COBL: variants seen among roughly 807,000 people sequenced by gnomAD.
The protein encoded by COBL is cordon-bleu WH2 repeat protein, also known as protein cordon-bleu.
A neutral mutation model predicts 98.8 loss-of-function variants in COBL; 51 were observed. The ratio of observed to expected loss-of-function variants is 0.52; its 90% CI spans 0.41 to 0.65. The LOEUF is 0.65. Among genes scored for constraint, COBL ranks in the 30% least tolerant of loss-of-function variants. The pLI is 0.00. For synonymous variants in COBL, 634 were observed against 651.7 expected, an observed-to-expected ratio of 0.97 and a Z score of 0.41; for missense variants, 1,617 against 1,617.5, an observed-to-expected ratio of 1.00 and a Z score of 0.01.
intron 2 of COBL, among the ~76,000 whole-genome samples, chr7:51,211,375 G>A (rs919821032): frequency 3.9e-5 from 6 of 152,192 alleles, no homozygotes; most frequent in African/African-American, 9.6e-5. Flanking sequence ...CATCCTCTGT[G>A]CCTCAGCTTT....
At position 51,131,326 on chromosome 7, in the gene COBL, G is replaced by A. The variant is rs1450586078; in HGVS notation, c.957+4832C>T. On this transcript the variant is annotated intron_variant, in intron 6 of 12. Transcript: ENST00000265136. Reference sequence around the variant, plus strand: ...AAAAGTAAGCATATAACTGTATATTGACTGAATAAATGAATAACTATGTAT... The same window carrying A: ...AAAAGTAAGCATATAACTGTATATTAACTGAATAAATGAATAACTATGTAT... 7.2e-5 allele frequency among the ~76,000 whole-genome samples: 11 copies of A among 152,280 alleles called. No homozygotes were observed. In the East Asian group the frequency reaches 1.2e-3, roughly 16 times the overall value.
chr7:51,069,124 C>T (rs1156236296), intron 7 of COBL, among the ~76,000 whole-genome samples: 1 of 152,222 alleles, frequency 6.6e-6, no homozygotes, highest in Non-Finnish European at 1.5e-5. Context: ...CTGCACAGCT[C>T]TGCCAATACA....
chr7:51,234,971 T>G, intron 1 of COBL, among the ~76,000 whole-genome samples: 1 of 151,838 alleles, frequency 6.6e-6, no homozygotes, highest in East Asian at 2.0e-4. Flanking sequence ...AAGAGAAGAC[T>G]TTATCTCTGA....
At position 51,080,670 on chromosome 7, in the gene COBL, A is replaced by G. The variant is rs1793563011; in HGVS notation, c.1096+4496T>C. ...ACACAGCGTTTGTTATGTGAGGAAC[A>G]TAGTTTTAAAACTGAACTCAAGAGG... is the stretch of plus-strand genomic sequence containing the variant. On this transcript the variant is annotated intron_variant, in intron 7 of 12. Coordinates refer to ENST00000265136, the MANE Select transcript of COBL (RefSeq NM_015198.5). Among the ~76,000 whole-genome samples, 4 of 152,206 alleles carry G rather than the reference A, an allele frequency of 2.6e-5. No individual in the cohort carries two copies. In the South Asian group the frequency reaches 8.3e-4, roughly 32 times the overall value.
chr7:51,189,094 C>A (rs965455598), intron 4 of COBL, among the ~76,000 whole-genome samples: 5 of 152,218 alleles, frequency 3.3e-5, no homozygotes, highest in African/African-American at 1.2e-4. Flanking sequence ...GAGACTATTT[C>A]TGTCTGTGTT....
chr7:51,288,766 T>C (rs148004083), intron 1 of COBL, among the ~76,000 whole-genome samples: 1,628 of 147,486 alleles, frequency 0.011, 30 homozygotes, highest in African/African-American at 0.039. Context: ...AAAAATAAAA[T>C]AAATAAATAA....
intron 5 of COBL, chr7:51,172,558 T>C (rs1787979693): frequency 7.9e-7 from 1 of 1,272,848 alleles, no homozygotes; most frequent in Non-Finnish European, 1.0e-6. Flanking sequence ...GGCCACATCA[T>C]CTCCAGGTGA....
intron 2 of COBL, among the ~76,000 whole-genome samples, chr7:51,205,252 T>G (rs1791557853): frequency 6.6e-6 from 1 of 152,230 alleles, no homozygotes; most frequent in Non-Finnish European, 1.5e-5. Context: ...TCAAACATCC[T>G]GACTTCAAAA....
In COBL at chr7:51,026,520, G is replaced by A. The variant is rs181936546; in HGVS notation, c.3504+26C>T. The A allele has an allele frequency of 4.4e-5, 71 of 1,608,772 alleles. No individual in the cohort carries two copies. The East Asian group carries it at 6.9e-4, about 16-fold the overall frequency. The stretch of plus-strand genomic sequence containing the variant: ...GGGTGGGTGGGTTTGAGCTCCTGGC[G>A]CCATGGAAGGCCCTTCACCTCTTAC... On this transcript the variant is annotated intron_variant, in intron 11 of 12. Coordinates refer to ENST00000265136, the MANE Select transcript of COBL (RefSeq NM_015198.5).
At chr7:51,178,686 G>A (rs945245549) in intron 5 of COBL, among the ~76,000 whole-genome samples, 8 of 151,968 alleles carry the variant, frequency 5.3e-5, no homozygotes, top group Non-Finnish European at 1.2e-4. Flanking sequence ...TTGGCTCACT[G>A]CAACCTCCGC....
chr7:51,217,110 T>C (rs549179767), intron 2 of COBL, among the ~76,000 whole-genome samples: 37 of 152,356 alleles, frequency 2.4e-4, no homozygotes, highest in African/African-American at 8.9e-4. Flanking sequence ...GATAACATTA[T>C]TTTAACACTC....
Position 51,043,652 on chromosome 7 carries a change from A to G in COBL, c.1137T>C (p.Asp379=). 2 of 1,614,168 alleles carry G rather than the reference A, an allele frequency of 1.2e-6. No individual in the cohort carries two copies. The highest frequency in any genetic ancestry group is 1.7e-6 in the Non-Finnish European group (2 of 1,180,050). ...PLGSGSHCSP[D]GAPQVLSEAE... ...CCTCTGACAGCACCTGCGGGGCTCC[A>G]TCCGGGCTGCAGTGGCTGCCAGACC... Residue 379 remains aspartate, a synonymous_variant, in exon 8 of 13, where the codon GAT becomes GAC. Transcript: ENST00000265136.
intron 1 of COBL, among the ~76,000 whole-genome samples, chr7:51,253,105 T>C (rs985662094): frequency 2.0e-5 from 3 of 152,006 alleles, no homozygotes; most frequent in Admixed American, 2.0e-4. Context: ...GCACCTGTGA[T>C]CCCAGCTACT....
chr7:51,047,286 A>C (rs533346056), intron 7 of COBL, among the ~76,000 whole-genome samples: 24 of 152,360 alleles, frequency 1.6e-4, no homozygotes, highest in African/African-American at 5.5e-4. Flanking sequence ...AGCCTGAGTA[A>C]GGAATATTAA....
At chr7:51,230,528 C>T (rs952323904) in intron 1 of COBL, among the ~76,000 whole-genome samples, 3 of 152,192 alleles carry the variant, frequency 2.0e-5, no homozygotes, top group Non-Finnish European at 2.9e-5. Context: ...CCCACCACCC[C>T]TGCTCCACTG....
At chr7:51,022,627 G>A (rs1787053981) in intron 12 of COBL, 1 of 152,088 alleles carries the variant, frequency 6.6e-6, no homozygotes, top group Non-Finnish European at 1.5e-5. Flanking sequence ...GAAGCCAAAA[G>A]TCCCAATGTT....
chr7:51,125,041 G>A (rs576333350), intron 6 of COBL, among the ~76,000 whole-genome samples: 1 of 152,252 alleles, frequency 6.6e-6, no homozygotes, highest in East Asian at 1.9e-4. Context: ...TTGAACTCCT[G>A]ACCTTAAGTG....
intron 1 of COBL, among the ~76,000 whole-genome samples, chr7:51,305,243 G>C (rs1802349500): frequency 1.3e-5 from 2 of 152,182 alleles, no homozygotes; most frequent in Admixed American, 6.5e-5. Context: ...CCCCTTCCTA[G>C]GCACATGGGT....
chr7:51,134,190 T>C (rs1406161464), intron 6 of COBL, among the ~76,000 whole-genome samples: 4 of 152,194 alleles, frequency 2.6e-5, no homozygotes, highest in Admixed American at 1.3e-4. Flanking sequence ...TTCCAGAAAT[T>C]AGTAAATAAC....
Sources: allele counts gnomAD v4.1 joint callset (sites outside exome capture counted in the v4.1 genomes callset), GRCh38; gene constraint gnomAD v4.1.1; transcripts MANE v1.5; gene names NCBI Gene and HGNC (gene_info 2026-07-23, HGNC 2026-07-21).